EIF2B5: variants seen among roughly 807,000 people sequenced by gnomAD.
EIF2B5 encodes the protein translation initiation factor eIF2B subunit epsilon.
Under a neutral mutation model 87.3 loss-of-function variants are expected in EIF2B5, and 38 were observed. The observed-to-expected ratio is 0.44, with a 90% CI of 0.34 to 0.57. The LOEUF is 0.57. Among genes scored for constraint, EIF2B5 ranks in the 20% least tolerant of loss-of-function variants. The pLI, the probability that EIF2B5 is intolerant of heterozygous loss-of-function variation, is 0.02. For missense variants in EIF2B5, 784 were observed against 909.5 expected (o/e 0.86, Z 1.78); for synonymous variants, 313 against 339.6 (o/e 0.92, Z 0.86).
In EIF2B5 at chr3:184,135,380, A is replaced by G; in HGVS notation, c.-6A>G. Reference sequence around the variant, plus strand: ...CTTGCGGAAGTGGTGACCGTGAGAGAAGAAGATGGCGGCCCCTGTAGTGGC... The same window carrying G: ...CTTGCGGAAGTGGTGACCGTGAGAGGAGAAGATGGCGGCCCCTGTAGTGGC... On this transcript the variant is annotated 5_prime_UTR_variant, in exon 1 of 16. Transcript: ENST00000648915. 1 of 1,574,986 alleles carries G rather than the reference A, an allele frequency of 6.3e-7. No homozygotes were observed. The highest frequency in any genetic ancestry group is 8.6e-7 in the Non-Finnish European group (1 of 1,161,358).
Position 184,135,409 on chromosome 3 carries a change from G to T in EIF2B5, c.24G>T (p.Pro8=), listed in dbSNP as rs901815559. 4 of 1,581,062 alleles carry T rather than the reference G, an allele frequency of 2.5e-6. No homozygotes were observed. Among genetic ancestry groups the T allele is most frequent in the Non-Finnish European group, 2.6e-6 (3 of 1,165,188 alleles). The change falls in exon 1 of 16, where the codon CCG becomes CCT. Residue 8 remains proline, a synonymous_variant. Transcript: ENST00000648915. The stretch of plus-strand genomic sequence containing the variant: ...AGATGGCGGCCCCTGTAGTGGCGCC[G>T]CCTGGTGTGGTGGTTAGTCGGGCTA... The part of the protein sequence containing the change: MAAPVVA[P]PGVVVSRANK...
intron 13 of EIF2B5, 96 bp from the exon 14 acceptor site, chr3:184,144,003 T>C: frequency 1.3e-6 from 2 of 1,571,658 alleles, no homozygotes; most frequent in Non-Finnish European, 1.7e-6. Flanking sequence ...ATCATCTCCC[T>C]TTTGTCCACC....
At position 184,142,728 on chromosome 3, in the gene EIF2B5, C is replaced by A; in HGVS notation, c.1547-51C>A. The A allele has an allele frequency of 6.3e-7, 1 of 1,577,938 alleles. No individual in the cohort carries two copies. ...AGGCAGACAGGGCAGGTATATTGCT[C>A]TCTGTCAATGACTCTTTTTTTCTTT... On this transcript the variant is annotated intron_variant, in intron 10 of 15. Transcript: ENST00000648915. This position sits in a 1 kb window ranked among gnomAD's most constrained non-coding sequence, Gnocchi z 5.0.
At chr3:184,141,247 T>C (rs1248101425) in intron 7 of EIF2B5, among the ~76,000 whole-genome samples, 3 of 152,140 alleles carry the variant, frequency 2.0e-5, no homozygotes, top group Non-Finnish European at 2.9e-5. Flanking sequence ...CTAATAGTAC[T>C]GCCCCTTTCC....
At position 184,143,555 on chromosome 3, in the gene EIF2B5, T is replaced by C; in HGVS notation, c.1859T>C (p.Leu620Pro). 6.2e-7 allele frequency: 1 copy of C among 1,614,196 alleles called. No individual in the cohort carries two copies. Among genetic ancestry groups the C allele is most frequent in the Non-Finnish European group, 8.5e-7 (1 of 1,180,020 alleles). ...SPLDSSRYCALLLPLLKAWSP... is the reference protein window; with the variant it reads ...SPLDSSRYCAPLLPLLKAWSP... ...CTTGACTCAAGCCGCTACTGTGCCCTGCTGCTTCCTGTGAGCAAAGATTGG... is the reference window on the plus strand; with the variant it reads ...CTTGACTCAAGCCGCTACTGTGCCCCGCTGCTTCCTGTGAGCAAAGATTGG... The change falls in exon 13 of 16, where the codon CTG becomes CCG. Residue 620 changes from leucine to proline, a missense_variant. Leu to Pro is a moderately conservative substitution (Grantham distance 98, BLOSUM62 -3). This residue lies in a region of EIF2B5 where 660 missense variants were observed against 789.5 expected (regional missense o/e 0.84). Transcript: ENST00000648915.
intron 6 of EIF2B5, 107 bp from the exon 7 acceptor site, chr3:184,140,311 G>T: frequency 7.0e-7 from 1 of 1,424,828 alleles, no homozygotes; most frequent in South Asian, 1.2e-5. Context: ...AAGAATCTTT[G>T]TGGCAGTGAG....
chr3:184,143,429 A>C lies in EIF2B5; in HGVS notation c.1746-13A>C. The stretch of plus-strand genomic sequence containing the variant: ...CCAGTGAAGGCCCTGGTGTCACCCC[A>C]GTCTCCCCACAGGTATGCCTATAAC... On this transcript the variant is annotated splice_polypyrimidine_tract_variant and intron_variant, in intron 12 of 15. Coordinates refer to ENST00000648915, the MANE Select transcript of EIF2B5 (RefSeq NM_003907.3). The C allele has an allele frequency of 6.2e-7, 1 of 1,614,154 alleles. No individual in the cohort carries two copies. Among genetic ancestry groups the C allele is most frequent in the Non-Finnish European group, 8.5e-7 (1 of 1,180,018 alleles).
intron 1 of EIF2B5, chr3:184,135,979 G>T: frequency 3.9e-6 from 1 of 256,822 alleles, no homozygotes; most frequent in Non-Finnish European, 7.6e-6. Context: ...GAGCGGGCTA[G>T]ATCTCAGGCA....
rs1482078292 is a variant in EIF2B5, at chr3:184,144,974, T to C, written c.*31T>C. On this transcript the variant is annotated 3_prime_UTR_variant, in exon 16 of 16. Coordinates refer to ENST00000648915, the MANE Select transcript of EIF2B5 (RefSeq NM_003907.3). ...CACTGCCTGCTCCTTTGGGTGTGATTGAGTGCCCTCCTGGCTCCTGGGCTG... is the reference window on the plus strand; with the variant it reads ...CACTGCCTGCTCCTTTGGGTGTGATCGAGTGCCCTCCTGGCTCCTGGGCTG... 1 of 1,608,236 alleles carries C rather than the reference T, an allele frequency of 6.2e-7. No homozygotes were observed. The highest frequency in any genetic ancestry group is 8.5e-7 in the Non-Finnish European group (1 of 1,176,088).
intron 5 of EIF2B5, among the ~76,000 whole-genome samples, chr3:184,139,666 T>C (rs2109008317): frequency 6.6e-6 from 1 of 151,790 alleles, no homozygotes. Context: ...CTGGTCCATG[T>C]TCAGCTGTCA....
At chr3:184,143,304 G>T in intron 12 of EIF2B5, 138 bp from the exon 13 acceptor site, 1 of 1,511,916 alleles carries the variant, frequency 6.6e-7, no homozygotes, top group Non-Finnish European at 9.1e-7. Context: ...TCTAGCCTCA[G>T]CATAGACTTT....
chr3:184,144,743 A>G, intron 15 of EIF2B5, 36 bp downstream of exon 15: 1 of 1,601,038 alleles, frequency 6.2e-7, no homozygotes, highest in South Asian at 1.1e-5. Flanking sequence ...CAAGATGGTT[A>G]TCTCATTCCC....
rs780171047 is a variant in EIF2B5, at chr3:184,140,071, C to G, written c.766-9C>G. On this transcript the variant is annotated splice_polypyrimidine_tract_variant and intron_variant, in intron 5 of 15. Transcript: ENST00000648915. Reference sequence around the variant, plus strand: ...CTTAATTCTAGCCCACTCCACTTCCCTTCCACAGGTGGCACAACTCTTTAC... The same window carrying G: ...CTTAATTCTAGCCCACTCCACTTCCGTTCCACAGGTGGCACAACTCTTTAC... 9 of 1,611,534 alleles carry G rather than the reference C, an allele frequency of 5.6e-6. No homozygotes were observed. The African/African-American group carries it at 1.1e-4, about 19-fold the overall frequency.
chr3:184,140,740 G>C lies in EIF2B5; in HGVS notation c.1156+10G>C, dbSNP rs775304791. ...CCCGGCTGCCACATTGGTGAGCACA[G>C]GTGGGGAATCAAGCCAACTATCCTA... On this transcript the variant is annotated intron_variant, in intron 7 of 15. Transcript: ENST00000648915. 1 of 1,613,812 alleles carries C rather than the reference G, an allele frequency of 6.2e-7. No homozygotes were observed. The highest frequency in any genetic ancestry group is 2.2e-5 in the East Asian group (1 of 44,886).
chr3:184,140,279 A>G (rs2109008785), intron 6 of EIF2B5, 122 bp downstream of exon 6: 1 of 1,372,736 alleles, frequency 7.3e-7, no homozygotes, highest in Non-Finnish European at 1.0e-6. Flanking sequence ...AAAGCAGGGG[A>G]CAGGAGGAAC....
At chr3:184,141,413 A>G (rs1383289612) in intron 7 of EIF2B5, among the ~76,000 whole-genome samples, 1 of 152,144 alleles carries the variant, frequency 6.6e-6, no homozygotes, top group East Asian at 1.9e-4. Context: ...CACAAATGAT[A>G]CAAAAATTAG....
Position 184,140,088 on chromosome 3 carries a change from A to C in EIF2B5, c.774A>C (p.Gln258His). The C allele has an allele frequency of 6.2e-7, 1 of 1,613,358 alleles. No individual in the cohort carries two copies. The highest frequency in any genetic ancestry group is 8.5e-7 in the Non-Finnish European group (1 of 1,179,620). Residue 258 changes from glutamine (Q) to histidine (H), a missense_variant, in exon 6 of 16, where the codon CAA (glutamine) becomes CAC (histidine). Transcript: ENST00000648915. The stretch of plus-strand genomic sequence containing the variant: ...CCACTTCCCTTCCACAGGTGGCACA[A>C]CTCTTTACAGACAACTTTGACTACC... ...HISICSPQVAQLFTDNFDYQT... is the reference protein window; with the variant it reads ...HISICSPQVAHLFTDNFDYQT...
Position 184,140,699 on chromosome 3 carries a change from C to CAA in EIF2B5, c.1126_1127dup (p.Asn376LysfsTer49), listed in dbSNP as rs1713593585. ...TCATTGGCAGCAATTGCTTTATCAC[C>CAA]AACAGTGTCATTGGCCCCGGCTGCC... On this transcript the variant is annotated frameshift_variant, in exon 7 of 16. Transcript: ENST00000648915. LOFTEE classifies it high-confidence loss of function. The CAA allele has an allele frequency of 6.2e-7, 1 of 1,614,142 alleles. No homozygotes were observed. Among genetic ancestry groups the CAA allele is most frequent in the Non-Finnish European group, 8.5e-7 (1 of 1,180,038 alleles).
chr3:184,136,873 TAC>T, intron 2 of EIF2B5, 137 bp downstream of exon 2: 1 of 1,274,314 alleles, frequency 7.8e-7, no homozygotes, highest in Non-Finnish European at 1.1e-6. Context: ...GGGTATTTTC[TAC>T]ACTTATCAGG....
Sources: allele counts gnomAD v4.1 joint callset (sites outside exome capture counted in the v4.1 genomes callset), GRCh38; gene constraint gnomAD v4.1.1; regional missense constraint gnomAD v4.1.1; non-coding constraint Gnocchi (gnomAD v3.1); transcripts MANE v1.5; gene names NCBI Gene and HGNC (gene_info 2026-07-23, HGNC 2026-07-21).